DSCAM: variants seen among roughly 807,000 people sequenced by gnomAD.
DSCAM encodes the protein cell adhesion molecule DSCAM.
In DSCAM, 47 loss-of-function variants were observed where a neutral mutation model predicts 217.7. That is an observed-to-expected ratio of 0.22 (90% confidence interval 0.17 to 0.28). The LOEUF is 0.28. Ranked by LOEUF, DSCAM falls within the 10% of genes least tolerant of loss-of-function variation. The probability of loss-of-function intolerance (pLI) is 1.00; values close to 1 mark genes in which losing one functional copy is unlikely to be tolerated. For synonymous variants in DSCAM, 1,056 were observed against 1,015.3 expected (o/e 1.04, Z -0.76); for missense variants, 2,080 against 2,618.3 (o/e 0.79, Z 4.49).
At chr21:40,288,990 T>C (rs1051859849) in intron 10 of DSCAM, among the ~76,000 whole-genome samples, 1 of 152,196 alleles carries the variant, frequency 6.6e-6, no homozygotes, top group Non-Finnish European at 1.5e-5. Context: ...ATTCCTACTT[T>C]ATTTATTTTA....
chr21:40,200,684 A>C (rs1008370042), intron 11 of DSCAM, among the ~76,000 whole-genome samples: 2 of 152,182 alleles, frequency 1.3e-5, no homozygotes, highest in Non-Finnish European at 2.9e-5. Context: ...TTCTCAAGCC[A>C]TTCAAAGGCC....
intron 1 of DSCAM, among the ~76,000 whole-genome samples, chr21:40,825,300 TCCTTCCTTCCTTCC>T: frequency 2.0e-5 from 3 of 151,248 alleles, no homozygotes; most frequent in African/African-American, 7.3e-5. Context: ...CTTCCTTCCT[TCCTTCCTTCCTTCC>T]TTTTTTTCTT....
chr21:40,031,479 A>G (rs1045837816), intron 32 of DSCAM, among the ~76,000 whole-genome samples: 2 of 152,210 alleles, frequency 1.3e-5, no homozygotes, highest in Non-Finnish European at 1.5e-5. Context: ...AATATCTTAA[A>G]TTAACACTCC....
chr21:40,143,584 G>T (rs1402512976), intron 17 of DSCAM, among the ~76,000 whole-genome samples: 1 of 152,186 alleles, frequency 6.6e-6, no homozygotes, highest in Non-Finnish European at 1.5e-5. Context: ...GAGGTCAGGA[G>T]ATCGAGACCA....
At chr21:40,394,006 C>T (rs2075156744) in intron 3 of DSCAM, among the ~76,000 whole-genome samples, 1 of 152,118 alleles carries the variant, frequency 6.6e-6, no homozygotes, top group African/African-American at 2.4e-5. Context: ...CTAATTATTT[C>T]TTTAATACAG....
intron 3 of DSCAM, among the ~76,000 whole-genome samples, chr21:40,648,120 A>G (rs1466599835): frequency 1.3e-5 from 2 of 152,216 alleles, no homozygotes; most frequent in Non-Finnish European, 2.9e-5. Context: ...TAAAAGACTC[A>G]GTAACTGAAA....
intron 1 of DSCAM, among the ~76,000 whole-genome samples, chr21:40,786,023 G>T (rs1211576604): frequency 6.6e-6 from 1 of 152,152 alleles, no homozygotes; most frequent in Non-Finnish European, 1.5e-5. Flanking sequence ...GATCACCTGA[G>T]GTCAGGAGTT....
intron 1 of DSCAM, among the ~76,000 whole-genome samples, chr21:40,775,891 G>A (rs762091485): frequency 9.9e-5 from 15 of 152,244 alleles, no homozygotes; most frequent in African/African-American, 1.7e-4. Flanking sequence ...TGATTGACTC[G>A]TCAAAAGACT....
chr21:40,444,277 C>A (rs1208662954), intron 3 of DSCAM, among the ~76,000 whole-genome samples: 5 of 152,076 alleles, frequency 3.3e-5, no homozygotes, highest in African/African-American at 1.2e-4. Flanking sequence ...TGGAGTCCGA[C>A]ATGTAACTGG....
chr21:40,659,619 G>A (rs965551901), intron 3 of DSCAM, among the ~76,000 whole-genome samples: 1 of 151,570 alleles, frequency 6.6e-6, no homozygotes, highest in African/African-American at 2.4e-5. Context: ...ATTTTCTTCT[G>A]CATATCTACC....
intron 3 of DSCAM, among the ~76,000 whole-genome samples, chr21:40,590,446 T>C (rs1193004341): frequency 6.6e-6 from 1 of 152,144 alleles, no homozygotes; most frequent in Non-Finnish European, 1.5e-5. Flanking sequence ...AGTGTGAACA[T>C]GGGGAAAGTT....
At chr21:40,478,618 T>A (rs144516087) in intron 3 of DSCAM, among the ~76,000 whole-genome samples, 96 of 152,314 alleles carry the variant, frequency 6.3e-4, no homozygotes, top group Non-Finnish European at 1.2e-3. Flanking sequence ...TAATTTCAGG[T>A]GTTGAACTGA....
chr21:40,843,618 G>A (rs535405842), intron 1 of DSCAM, among the ~76,000 whole-genome samples: 29 of 152,120 alleles, frequency 1.9e-4, no homozygotes, highest in Non-Finnish European at 3.4e-4. Context: ...GTGTGTGGGT[G>A]AGTGTCTGCA....
At chr21:40,072,266 T>C (rs2089301959) in intron 27 of DSCAM, among the ~76,000 whole-genome samples, 1 of 152,180 alleles carries the variant, frequency 6.6e-6, no homozygotes, top group Non-Finnish European at 1.5e-5. Context: ...TATTGCAGTG[T>C]GTCTACATTA....
Position 40,085,616 on chromosome 21 carries a change from T to C in DSCAM, c.4118A>G (p.Asn1373Ser), listed in dbSNP as rs530209512. ...NNWGSDEIIL[N>S]LQVQVPPDQP... ...AAATGTTGTACCTTGTACTTGTAAG[T>C]TTAAAATAATTTCATCAGATCCCCA... The change falls in exon 23 of 33, where the codon AAC (asparagine) becomes AGC (serine). Residue 1373 changes from asparagine to serine, a missense_variant. Asn to Ser is a conservative substitution (Grantham distance 46, BLOSUM62 1). Transcript: ENST00000400454. 7 of 1,569,082 alleles carry C rather than the reference T, an allele frequency of 4.5e-6. No individual in the cohort carries two copies. Among genetic ancestry groups the C allele is most frequent in the Non-Finnish European group, 6.1e-6 (7 of 1,146,434 alleles).
intron 20 of DSCAM, among the ~76,000 whole-genome samples, chr21:40,098,740 T>C (rs141058934): frequency 8.7e-4 from 132 of 152,326 alleles, no homozygotes; most frequent in African/African-American, 2.6e-3. Flanking sequence ...GATAATTACT[T>C]ATTGTCAAAA....
At chr21:40,800,463 T>C (rs939601528) in intron 1 of DSCAM, among the ~76,000 whole-genome samples, 2 of 152,056 alleles carry the variant, frequency 1.3e-5, no homozygotes, top group Admixed American at 1.3e-4. Context: ...TGTAACTCCT[T>C]AGGAATTGGT....
chr21:40,376,304 A>G (rs2074949876), intron 3 of DSCAM, among the ~76,000 whole-genome samples: 1 of 151,968 alleles, frequency 6.6e-6, no homozygotes, highest in African/African-American at 2.4e-5. Context: ...TTAGAGGAAC[A>G]TAAGAATTAA....
chr21:40,606,870 G>T (rs371553517), intron 3 of DSCAM, among the ~76,000 whole-genome samples: 1 of 152,168 alleles, frequency 6.6e-6, no homozygotes, highest in African/African-American at 2.4e-5. Flanking sequence ...TGCTGTTCTT[G>T]TGACAATGAA....
Sources: gnomAD v4.1 joint callset for allele counts (sites outside exome capture counted in the v4.1 genomes callset) on GRCh38, gnomAD v4.1.1 for gene constraint, MANE v1.5 for transcripts, NCBI Gene and HGNC (gene_info 2026-07-23, HGNC 2026-07-21) for gene names.